ROR1: variants seen among roughly 807,000 people sequenced by gnomAD.
The protein encoded by ROR1 is ROR family WNT receptor 1, also known as inactive tyrosine-protein kinase transmembrane receptor ROR1.
Under a neutral mutation model 78.8 loss-of-function variants are expected in ROR1, and 19 were observed. The ratio of observed to expected loss-of-function variants is 0.24; its 90% CI spans 0.17 to 0.35. The LOEUF is 0.35. Among genes scored for constraint, ROR1 ranks in the 10% least tolerant of loss-of-function variants. The pLI is 1.00. For missense variants in ROR1, 917 were observed against 1,177.8 expected, an observed-to-expected ratio of 0.78 and a Z score of 3.24; for synonymous variants, 386 against 433.6, an observed-to-expected ratio of 0.89 and a Z score of 1.36.
At chr1:63,955,808 G>A (rs577348726) in intron 1 of ROR1, among the ~76,000 whole-genome samples, 4 of 152,158 alleles carry the variant, frequency 2.6e-5, no homozygotes, top group South Asian at 2.1e-4. Flanking sequence ...CATTTTTACC[G>A]TTATCCCAAG....
intron 4 of ROR1, among the ~76,000 whole-genome samples, chr1:64,103,804 AG>A (rs763990678): frequency 3.2e-4 from 49 of 152,038 alleles, no homozygotes; most frequent in Non-Finnish European, 3.8e-4. Flanking sequence ...TAAAAAAAAA[AG>A]GTTTCTATCT....
chr1:63,836,536 A>G, intron 1 of ROR1, among the ~76,000 whole-genome samples: 1 of 152,224 alleles, frequency 6.6e-6, no homozygotes, highest in East Asian at 1.9e-4. Context: ...AGGCCTCTGC[A>G]GGTAGCCCAA....
intron 2 of ROR1, among the ~76,000 whole-genome samples, chr1:64,033,155 T>C (rs1646674717): frequency 6.6e-6 from 1 of 152,210 alleles, no homozygotes; most frequent in Middle Eastern, 3.2e-3. Flanking sequence ...TTTCAGAAAG[T>C]GCAACGTCCT....
chr1:64,130,379 A>C (rs976930595), intron 4 of ROR1, among the ~76,000 whole-genome samples: 15 of 152,150 alleles, frequency 9.9e-5, no homozygotes, highest in Admixed American at 9.8e-4. Flanking sequence ...AGAGTTTGTG[A>C]GATAACTTCA....
intron 1 of ROR1, among the ~76,000 whole-genome samples, chr1:63,785,926 C>T (rs916332923): frequency 6.6e-6 from 1 of 152,198 alleles, no homozygotes; most frequent in Non-Finnish European, 1.5e-5. Flanking sequence ...CATCTGGTGT[C>T]CCTAAGTCAA....
At chr1:63,925,874 T>C (rs1435921665) in intron 1 of ROR1, among the ~76,000 whole-genome samples, 1 of 151,470 alleles carries the variant, frequency 6.6e-6, no homozygotes, top group East Asian at 1.9e-4. Context: ...TGTTTTTTTC[T>C]TGTAAATTTG....
chr1:63,787,798 T>A (rs1644701033), intron 1 of ROR1, among the ~76,000 whole-genome samples: 1 of 152,224 alleles, frequency 6.6e-6, no homozygotes, highest in South Asian at 2.1e-4. Flanking sequence ...AATGTTGGGA[T>A]TACAGGCATA....
chr1:64,159,277 G>A (rs955656457), intron 8 of ROR1, 85 bp downstream of exon 8: 31 of 1,010,040 alleles, frequency 3.1e-5, no homozygotes, highest in Non-Finnish European at 2.8e-5. Flanking sequence ...CTTGGAAATC[G>A]AATGATATGG....
At chr1:64,159,743 A>C (rs1649885363) in intron 8 of ROR1, among the ~76,000 whole-genome samples, 1 of 152,120 alleles carries the variant, frequency 6.6e-6, no homozygotes, top group African/African-American at 2.4e-5. Context: ...GCTTAAGTAT[A>C]TTTTAAGGAA....
At chr1:64,143,437 G>A in intron 7 of ROR1, 1 of 976,764 alleles carries the variant, frequency 1.0e-6, no homozygotes, top group Non-Finnish European at 1.2e-6. Context: ...TCATCTTCCT[G>A]ATCCTAGTTC....
chr1:63,921,915 T>C (rs994057087), intron 1 of ROR1, among the ~76,000 whole-genome samples: 1 of 152,090 alleles, frequency 6.6e-6, no homozygotes, highest in Non-Finnish European at 1.5e-5. Flanking sequence ...TTTTTATAAT[T>C]AAAAAATATA....
chr1:63,774,636 C>T lies in ROR1; in HGVS notation c.91+128C>T, dbSNP rs1380590109. 1.6e-5 allele frequency: 6 copies of T among 371,000 alleles called. No individual in the cohort carries two copies. The highest frequency in any genetic ancestry group is 6.3e-5 in the Admixed American group (1 of 15,996). 23.0% of individuals were successfully genotyped at this position (371,000 alleles called of 1,614,324 possible). ...CTCCGGGGCGCGTCCGGCCACCCGC[C>T]ACGGGGCTCGCCGGCGCCGCCAGGC... On this transcript the variant is annotated intron_variant, in intron 1 of 8. Coordinates refer to ENST00000371079, the MANE Select transcript of ROR1 (RefSeq NM_005012.4). This position sits in a 1 kb window ranked among gnomAD's most constrained non-coding sequence, Gnocchi z 5.7.
chr1:63,848,494 T>G (rs1645095163), intron 1 of ROR1, among the ~76,000 whole-genome samples: 1 of 152,216 alleles, frequency 6.6e-6, no homozygotes, highest in South Asian at 2.1e-4. Flanking sequence ...AGCTTCAGGA[T>G]TATATTTTAA....
At chr1:64,073,733 A>G (rs931561374) in intron 4 of ROR1, among the ~76,000 whole-genome samples, 3 of 152,230 alleles carry the variant, frequency 2.0e-5, no homozygotes, top group African/African-American at 7.2e-5. Flanking sequence ...CATGTTGGCA[A>G]ATGATGGGGC....
chr1:64,104,219 G>C (rs1391990426), intron 4 of ROR1, among the ~76,000 whole-genome samples: 1 of 152,118 alleles, frequency 6.6e-6, no homozygotes, highest in Non-Finnish European at 1.5e-5. Flanking sequence ...ACTTGTTCAA[G>C]ATCCTAAAAC....
intron 4 of ROR1, among the ~76,000 whole-genome samples, chr1:64,110,232 T>G (rs1448363940): frequency 6.6e-6 from 1 of 152,220 alleles, no homozygotes; most frequent in Non-Finnish European, 1.5e-5. Context: ...CCTATGCCTA[T>G]TCTAAAATCA....
At chr1:63,918,933 A>G (rs1290333499) in intron 1 of ROR1, among the ~76,000 whole-genome samples, 1 of 152,198 alleles carries the variant, frequency 6.6e-6, no homozygotes, top group East Asian at 1.9e-4. Flanking sequence ...TCATCTTTTT[A>G]AAAAGATAAG....
At chr1:64,132,870 T>C (rs1210150164) in intron 4 of ROR1, among the ~76,000 whole-genome samples, 8 of 151,694 alleles carry the variant, frequency 5.3e-5, no homozygotes, top group Non-Finnish European at 7.4e-5. Flanking sequence ...GGTTCAGCTA[T>C]GTCTGCCCAT....
chr1:64,018,421 C>A, intron 2 of ROR1, among the ~76,000 whole-genome samples: 1 of 152,118 alleles, frequency 6.6e-6, no homozygotes, highest in East Asian at 1.9e-4. Context: ...TTGTTAAAGA[C>A]CCAGCTCACA....
Sources: allele counts gnomAD v4.1 joint callset (sites outside exome capture counted in the v4.1 genomes callset), GRCh38; gene constraint gnomAD v4.1.1; non-coding constraint Gnocchi (gnomAD v3.1); transcripts MANE v1.5; gene names NCBI Gene and HGNC (gene_info 2026-07-23, HGNC 2026-07-21).